The following CCSER1 variants were observed in gnomAD, a reference collection of about 807,000 sequenced individuals.
CCSER1 encodes the protein coiled-coil serine rich protein 1.
Under a neutral mutation model 82.0 loss-of-function variants are expected in CCSER1, and 41 were observed. That is an observed-to-expected ratio of 0.50 (90% CI 0.39 to 0.65). The LOEUF (loss-of-function observed/expected upper bound fraction) is 0.65, where lower values mean the gene tolerates loss of function less well. CCSER1 is among the 30% of genes least tolerant of loss of function. CCSER1 has a pLI of 0.00. For missense variants in CCSER1, 1,119 were observed against 1,064.2 expected, an observed-to-expected ratio of 1.05 and a Z score of -0.72; for synonymous variants, 414 against 383.9, an observed-to-expected ratio of 1.08 and a Z score of -0.92.
intron 1 of CCSER1, among the ~76,000 whole-genome samples, chr4:90,159,163 A>T (rs1011394180): frequency 6.6e-6 from 1 of 152,034 alleles, no homozygotes; most frequent in African/African-American, 2.4e-5. Flanking sequence ...CCTCTTTAGT[A>T]ACTAGGACTG....
At chr4:91,136,245 A>G (rs188827563) in intron 10 of CCSER1, among the ~76,000 whole-genome samples, 1 of 152,168 alleles carries the variant, frequency 6.6e-6, no homozygotes, top group Non-Finnish European at 1.5e-5. Context: ...TTCACACCTC[A>G]TACATTTGCC....
chr4:90,254,978 A>AACAC (rs142987718), intron 1 of CCSER1, among the ~76,000 whole-genome samples: 18,709 of 142,892 alleles, frequency 0.13, 1,375 homozygotes, highest in East Asian at 0.29. Flanking sequence ...CATATATATC[A>AACAC]ACACACACAC....
intron 10 of CCSER1, among the ~76,000 whole-genome samples, chr4:91,440,168 T>C (rs1755016017): frequency 6.6e-6 from 1 of 152,186 alleles, no homozygotes; most frequent in South Asian, 2.1e-4. Flanking sequence ...ATACATTTTT[T>C]TCAGCAGCAC....
chr4:90,979,804 G>A (rs1462989316), intron 9 of CCSER1, among the ~76,000 whole-genome samples: 1 of 151,642 alleles, frequency 6.6e-6, no homozygotes, highest in Non-Finnish European at 1.5e-5. Flanking sequence ...CTGTGTAGAC[G>A]GAGATGAAAG....
At chr4:90,726,616 C>T (rs114230902) in intron 7 of CCSER1, among the ~76,000 whole-genome samples, 2,607 of 152,070 alleles carry the variant, frequency 0.017, 78 homozygotes, top group African/African-American at 0.06. Flanking sequence ...TAATTAAAAA[C>T]GATCTGCCCT....
At chr4:90,599,433 T>A (rs1226847888) in intron 5 of CCSER1, among the ~76,000 whole-genome samples, 1 of 152,146 alleles carries the variant, frequency 6.6e-6, no homozygotes, top group Non-Finnish European at 1.5e-5. Flanking sequence ...GTAAGTTTCC[T>A]GAGGCCTCTC....
At chr4:91,016,445 CA>C (rs1353270434) in intron 9 of CCSER1, among the ~76,000 whole-genome samples, 1 of 151,920 alleles carries the variant, frequency 6.6e-6, no homozygotes, top group Non-Finnish European at 1.5e-5. Context: ...AAATAATCAT[CA>C]GTATTATCAT....
intron 7 of CCSER1, among the ~76,000 whole-genome samples, chr4:90,810,644 TCAACAA>T (rs34797230): frequency 8.9e-4 from 115 of 128,548 alleles, no homozygotes; most frequent in Middle Eastern, 3.8e-3. Flanking sequence ...AGACTCCCTC[TCAACAA>T]CAACAACAAC....
intron 10 of CCSER1, among the ~76,000 whole-genome samples, chr4:91,094,293 C>A (rs1347497092): frequency 6.6e-6 from 1 of 152,166 alleles, no homozygotes; most frequent in African/African-American, 2.4e-5. Flanking sequence ...GTAGTAACAC[C>A]TGACCCCGGA....
chr4:91,474,802 TATATATATATACAC>T lies in CCSER1; in HGVS notation c.2218-123768_2218-123755del, dbSNP rs760958627. Among the ~76,000 whole-genome samples, 690 of 94,198 alleles carry T rather than the reference TATATATATATACAC, an allele frequency of 7.3e-3. 7 individuals carry two copies. The East Asian group carries it at 0.093, about 13-fold the overall frequency. 61.8% of individuals were successfully genotyped at this position (94,198 alleles called of 152,430 possible). On this transcript the variant is annotated intron_variant, in intron 10 of 10. Coordinates refer to ENST00000509176, the MANE Select transcript of CCSER1 (RefSeq NM_001145065.2). The stretch of plus-strand genomic sequence containing the variant: ...ATATATTTGTGTATATATATATATA[TATATATATATACAC>T]ACACACACACACACACACACACATT...
At chr4:91,006,849 G>T (rs943196176) in intron 9 of CCSER1, among the ~76,000 whole-genome samples, 1 of 152,046 alleles carries the variant, frequency 6.6e-6, no homozygotes, top group Admixed American at 6.6e-5. Flanking sequence ...GGTGAAAGTA[G>T]GCATCCTTGT....
chr4:91,187,901 C>T (rs987888212), intron 10 of CCSER1, among the ~76,000 whole-genome samples: 19 of 151,880 alleles, frequency 1.3e-4, no homozygotes, highest in African/African-American at 4.6e-4. Flanking sequence ...TCCAAGTAGG[C>T]AAAGGAAGGA....
chr4:90,339,344 C>T (rs188468808), intron 3 of CCSER1, among the ~76,000 whole-genome samples: 12 of 152,260 alleles, frequency 7.9e-5, no homozygotes, highest in Non-Finnish European at 1.5e-4. Flanking sequence ...TGCTCCCCTA[C>T]TTTTGGTTCA....
intron 4 of CCSER1, among the ~76,000 whole-genome samples, chr4:90,408,042 A>T (rs984770926): frequency 2.0e-5 from 3 of 152,306 alleles, no homozygotes; most frequent in African/African-American, 4.8e-5. Context: ...CATTGCTAGC[A>T]CAGCAGTCTA....
intron 7 of CCSER1, among the ~76,000 whole-genome samples, chr4:90,770,984 A>C (rs186259773): frequency 6.6e-6 from 1 of 152,316 alleles, no homozygotes; most frequent in Non-Finnish European, 1.5e-5. Context: ...CACAAGAAAA[A>C]AATTACTAGA....
chr4:90,333,443 GAAAT>G (rs1739739363), intron 3 of CCSER1, among the ~76,000 whole-genome samples: 2 of 151,940 alleles, frequency 1.3e-5, no homozygotes. Flanking sequence ...AACAAAAAAA[GAAAT>G]AAAACCAAGA....
intron 8 of CCSER1, chr4:90,918,218 T>A (rs1310159472): frequency 2.2e-6 from 1 of 455,006 alleles, no homozygotes; most frequent in Non-Finnish European, 4.4e-6. Flanking sequence ...TGTACATTTC[T>A]TTTTATTATA....
chr4:91,061,402 A>G (rs1275365451), intron 9 of CCSER1, among the ~76,000 whole-genome samples: 1 of 152,058 alleles, frequency 6.6e-6, no homozygotes, highest in Non-Finnish European at 1.5e-5. Flanking sequence ...CACTTCCCTA[A>G]GATTTTTCTC....
intron 10 of CCSER1, among the ~76,000 whole-genome samples, chr4:91,510,560 A>G (rs1305510947): frequency 1.3e-5 from 2 of 151,916 alleles, no homozygotes; most frequent in African/African-American, 2.4e-5. Flanking sequence ...TGTGGTTTTT[A>G]TTTGCATTCT....
Sources: gnomAD v4.1 joint callset for allele counts (sites outside exome capture counted in the v4.1 genomes callset) on GRCh38, gnomAD v4.1.1 for gene constraint, MANE v1.5 for transcripts, NCBI Gene and HGNC (gene_info 2026-07-23, HGNC 2026-07-21) for gene names.